PCM1: variants seen among roughly 807,000 people sequenced by gnomAD.
The protein encoded by PCM1 is pericentriolar material 1 protein.
In PCM1, 157 loss-of-function variants were observed where a neutral mutation model predicts 241.9. The observed-to-expected ratio is 0.65, with a 90% confidence interval of 0.57 to 0.74. The LOEUF (loss-of-function observed/expected upper bound fraction) is 0.74, where lower values mean the gene tolerates loss of function less well. Ranked by LOEUF, PCM1 falls within the 30% of genes least tolerant of loss-of-function variation. The probability of loss-of-function intolerance (pLI) is 0.00; values close to 1 mark genes in which losing one functional copy is unlikely to be tolerated. For synonymous variants in PCM1, 1,085 were observed against 784.9 expected, an observed-to-expected ratio of 1.38 and a Z score of -6.39; for missense variants, 3,478 against 2,360.1, an observed-to-expected ratio of 1.47 and a Z score of -9.81.
At chr8:17,960,257 C>T in intron 14 of PCM1, 58 bp from the exon 15 acceptor site, 1 of 1,567,374 alleles carries the variant, frequency 6.4e-7, no homozygotes, top group Non-Finnish European at 8.7e-7. Flanking sequence ...TTATGTTGTG[C>T]CTAATGCTTC....
chr8:17,956,324 A>G (rs1352906277), intron 10 of PCM1, among the ~76,000 whole-genome samples: 5 of 152,292 alleles, frequency 3.3e-5, no homozygotes, highest in African/African-American at 7.2e-5. Flanking sequence ...GTTTTCTGCT[A>G]TTAACATTTA....
chr8:18,023,007 A>C (rs1007939804), intron 36 of PCM1, among the ~76,000 whole-genome samples: 1 of 152,162 alleles, frequency 6.6e-6, no homozygotes, highest in Non-Finnish European at 1.5e-5. Context: ...TCCTCTTTCT[A>C]TTTAAATCAT....
intron 2 of PCM1, chr8:17,926,084 T>TA (rs1417528497): frequency 6.6e-6 from 1 of 152,116 alleles, no homozygotes; most frequent in East Asian, 1.9e-4. Flanking sequence ...ATGTGTGTGT[T>TA]AGAGTTGTTA....
At position 17,938,763 on chromosome 8, in the gene PCM1, A is replaced by T; in HGVS notation, c.366A>T (p.Gln122His). Residue 122 changes from glutamine to histidine, a missense_variant, in exon 5 of 39, where the codon CAA becomes CAT. Transcript: ENST00000325083. ...LDQRSIGSDS[Q>H]GRATAANNKR... ...AGAGAAGCATTGGAAGTGATTCCCA[A>T]GGTAGAGCAACAGCTGCTAACAACA... 1.9e-6 allele frequency: 3 copies of T among 1,611,798 alleles called. No homozygotes were observed. Among genetic ancestry groups the T allele is most frequent in the South Asian group, 1.1e-5 (1 of 91,052 alleles).
At chr8:17,930,101 CTTTTT>C (rs3988353) in intron 2 of PCM1, among the ~76,000 whole-genome samples, 1 of 109,284 alleles carries the variant, frequency 9.2e-6, no homozygotes. Flanking sequence ...GGAATACTTC[CTTTTT>C]TTTTTTTTTT....
At chr8:17,975,510 A>G (rs1467715831) in intron 23 of PCM1, among the ~76,000 whole-genome samples, 2 of 152,058 alleles carry the variant, frequency 1.3e-5, no homozygotes, top group Non-Finnish European at 2.9e-5. Flanking sequence ...GTGGGTGGGG[A>G]AAAGTTTAGA....
intron 13 of PCM1, 108 bp from the exon 14 acceptor site, chr8:17,959,906 C>A (rs939775434): frequency 1.9e-6 from 2 of 1,068,692 alleles, no homozygotes; most frequent in Non-Finnish European, 2.7e-6. Context: ...TTCTTTACTG[C>A]TTTAATCTTT....
At chr8:17,933,505 C>T (rs978048665) in intron 2 of PCM1, among the ~76,000 whole-genome samples, 10 of 152,116 alleles carry the variant, frequency 6.6e-5, no homozygotes, top group Non-Finnish European at 2.9e-5. Flanking sequence ...AGCCAATCTA[C>T]ATTTAGAAAA....
At position 18,028,391 on chromosome 8, in the gene PCM1, A is replaced by G. The variant is rs757890444; in HGVS notation, c.*729A>G. Reference sequence around the variant, plus strand: ...GCCTCAGACTAAAAGTAAAAAAAATAAGCTTTATATAATTAGGGAGATTTC... The same window carrying G: ...GCCTCAGACTAAAAGTAAAAAAAATGAGCTTTATATAATTAGGGAGATTTC... On this transcript the variant is annotated 3_prime_UTR_variant, in exon 39 of 39. Transcript: ENST00000325083. 3.6e-5 allele frequency: 7 copies of G among 193,304 alleles called. No individual in the cohort carries two copies. Among genetic ancestry groups the G allele is most frequent in the Non-Finnish European group, 7.6e-5 (7 of 92,656 alleles). The allele number at this position is 193,304 out of a possible 1,614,324, so 12.0% of individuals were successfully genotyped here.
chr8:18,014,618 C>T lies in PCM1; in HGVS notation c.5619C>T (p.Tyr1873=). The T allele has an allele frequency of 6.2e-7, 1 of 1,612,556 alleles. No individual in the cohort carries two copies. The highest frequency in any genetic ancestry group is 1.1e-5 in the South Asian group (1 of 90,944). ...ATAACTGTCCTGTGAAACCCTGTTA[C>T]CTCAATATCTTGGAAGATGAGCAAC... ...DQNNCPVKPC[Y]LNILEDEQPL... Residue 1873 remains tyrosine (Y), a synonymous_variant, in exon 36 of 39, where the codon TAC becomes TAT. Transcript: ENST00000325083.
Position 17,956,656 on chromosome 8 carries a change from T to A in PCM1, c.1525T>A (p.Tyr509Asn), listed in dbSNP as rs754052385. 1.9e-6 allele frequency: 3 copies of A among 1,599,994 alleles called. No homozygotes were observed. In the Admixed American group the frequency reaches 5.1e-5, roughly 27 times the overall value. ...RLNELRELVH[Y>N]YEQTSDMMTD... Reference sequence around the variant, plus strand: ...GAATGAGCTAAGAGAATTAGTTCATTATTATGAACAAACGTCAGACATGAT... The same window carrying A: ...GAATGAGCTAAGAGAATTAGTTCATAATTATGAACAAACGTCAGACATGAT... The change falls in exon 11 of 39, where the codon TAT becomes AAT. Residue 509 changes from tyrosine to asparagine, a missense_variant. Tyr to Asn is a moderately radical substitution (Grantham distance 143). Transcript: ENST00000325083.
At chr8:17,942,304 T>C (rs938669073) in intron 6 of PCM1, among the ~76,000 whole-genome samples, 5 of 152,144 alleles carry the variant, frequency 3.3e-5, no homozygotes, top group Admixed American at 1.3e-4. Flanking sequence ...CTGTCTCTAC[T>C]AAAAATACAA....
In PCM1 at chr8:17,960,876, T is replaced by A. The variant is rs1197770984; in HGVS notation, c.2322+432T>A. The stretch of plus-strand genomic sequence containing the variant: ...TCTAGTAATTTTGTGATTAATGAAG[T>A]GGATGAACTAATGAAGAGTTGGGGT... On this transcript the variant is annotated intron_variant, in intron 15 of 38. Transcript: ENST00000325083. 3.3e-5 allele frequency among the ~76,000 whole-genome samples: 5 copies of A among 152,178 alleles called. No homozygotes were observed. In the East Asian group the frequency reaches 9.7e-4, roughly 29 times the overall value.
intron 24 of PCM1, among the ~76,000 whole-genome samples, chr8:17,981,729 A>G (rs2080888543): frequency 6.6e-6 from 1 of 152,158 alleles, no homozygotes; most frequent in Non-Finnish European, 1.5e-5. Flanking sequence ...AGTTGGTTTT[A>G]TTTCCATTTT....
intron 6 of PCM1, among the ~76,000 whole-genome samples, chr8:17,942,407 C>T (rs778035611): frequency 6.6e-6 from 1 of 151,606 alleles, no homozygotes; most frequent in Non-Finnish European, 1.5e-5. Flanking sequence ...GTGTAGGTTG[C>T]CGTGAGCCAC....
chr8:17,998,111 T>G (rs765569134), intron 29 of PCM1, among the ~76,000 whole-genome samples: 6 of 152,170 alleles, frequency 3.9e-5, no homozygotes, highest in Non-Finnish European at 7.3e-5. Context: ...AGACAGCTAT[T>G]TTGAATTCTC....
chr8:17,960,948 T>G (rs950462112), intron 15 of PCM1, among the ~76,000 whole-genome samples: 2 of 152,176 alleles, frequency 1.3e-5, no homozygotes, highest in African/African-American at 4.8e-5. Flanking sequence ...TGACTCATTA[T>G]TTTCATTCTT....
chr8:17,944,245 C>G (rs2063093285), intron 6 of PCM1, among the ~76,000 whole-genome samples: 1 of 152,024 alleles, frequency 6.6e-6, no homozygotes, highest in Non-Finnish European at 1.5e-5. Flanking sequence ...TATTTAGAAC[C>G]CAGCACATAA....
chr8:17,937,503 C>T (rs559997084), intron 4 of PCM1, 124 bp downstream of exon 4: 2 of 812,500 alleles, frequency 2.5e-6, no homozygotes, highest in Non-Finnish European at 3.7e-6. Flanking sequence ...GTTTCTGTGC[C>T]TATGGAAAGA....
Sources: gnomAD v4.1 joint callset for allele counts (sites outside exome capture counted in the v4.1 genomes callset) on GRCh38, gnomAD v4.1.1 for gene constraint, MANE v1.5 for transcripts, NCBI Gene and HGNC (gene_info 2026-07-23, HGNC 2026-07-21) for gene names.